RAMP1: variants seen among roughly 807,000 people sequenced by gnomAD.
The protein encoded by RAMP1 is receptor activity-modifying protein 1.
In RAMP1, 7 loss-of-function variants were observed where a neutral mutation model predicts 8.2. The observed-to-expected ratio is 0.85, with a 90% CI of 0.49 to 1.60. The LOEUF (loss-of-function observed/expected upper bound fraction) is 1.60, where lower values mean the gene tolerates loss of function less well. Among genes scored for constraint, RAMP1 ranks in the 40% most tolerant of loss-of-function variants. The pLI is 0.00. For missense variants in RAMP1, 192 were observed against 202.4 expected, an observed-to-expected ratio of 0.95 and a Z score of 0.31; for synonymous variants, 92 against 84.7, an observed-to-expected ratio of 1.09 and a Z score of -0.47.
intron 2 of RAMP1, among the ~76,000 whole-genome samples, chr2:237,910,271 AAC>A (rs1350480084): frequency 2.6e-5 from 4 of 151,684 alleles, no homozygotes; most frequent in Non-Finnish European, 4.4e-5. Context: ...CACACAGAAT[AAC>A]ACAGTCACAC....
intron 2 of RAMP1, among the ~76,000 whole-genome samples, chr2:237,897,728 T>A (rs4663269): frequency 6.6e-6 from 1 of 150,680 alleles, no homozygotes; most frequent in African/African-American, 2.4e-5. Context: ...CAGAAACACA[T>A]GCTCTCGTGG....
At chr2:237,896,587 C>T (rs974644939) in intron 2 of RAMP1, among the ~76,000 whole-genome samples, 1 of 152,252 alleles carries the variant, frequency 6.6e-6, no homozygotes, top group Non-Finnish European at 1.5e-5. Flanking sequence ...AACACCTGCC[C>T]TCGGGTGATG....
chr2:237,883,000 C>G (rs558163562), intron 2 of RAMP1, among the ~76,000 whole-genome samples: 1 of 152,228 alleles, frequency 6.6e-6, no homozygotes, highest in East Asian at 1.9e-4. Context: ...TGATGGGGGA[C>G]ACAGGCTCTG....
chr2:237,871,320 C>T (rs2151005451), intron 1 of RAMP1, among the ~76,000 whole-genome samples: 1 of 152,300 alleles, frequency 6.6e-6, no homozygotes, highest in African/African-American at 2.4e-5. Flanking sequence ...TGCTTTCACT[C>T]TAGAGGATGT....
At chr2:237,890,335 G>A (rs1178647438) in intron 2 of RAMP1, among the ~76,000 whole-genome samples, 1 of 151,916 alleles carries the variant, frequency 6.6e-6, no homozygotes. Context: ...CTGAGTAGCT[G>A]GGACTACAGG....
intron 1 of RAMP1, among the ~76,000 whole-genome samples, chr2:237,869,509 G>C (rs889094831): frequency 3.0e-4 from 45 of 152,130 alleles, no homozygotes; most frequent in African/African-American, 1.1e-3. Context: ...GACTACTCTA[G>C]GAACCTGTAT....
chr2:237,860,655 T>C (rs1238072406), intron 1 of RAMP1, among the ~76,000 whole-genome samples: 1 of 151,846 alleles, frequency 6.6e-6, no homozygotes, highest in Non-Finnish European at 1.5e-5. Context: ...CCAGTGTCCC[T>C]GGGAAGGCCG....
At chr2:237,906,273 ACT>A (rs1241653655) in intron 2 of RAMP1, among the ~76,000 whole-genome samples, 3 of 151,494 alleles carry the variant, frequency 2.0e-5, no homozygotes, top group Admixed American at 6.6e-5. Flanking sequence ...GGCACGGCAC[ACT>A]CTCTGCTGCC....
chr2:237,885,685 C>A lies in RAMP1; in HGVS notation c.191+8323C>A, dbSNP rs1376879346. ...CGAGGCCGCCCTCCCTGCCTACTGA[C>A]CTCCCTGCCCACCGCCACACCATCG... On this transcript the variant is annotated intron_variant, in intron 2 of 2. Transcript: ENST00000254661. Among the ~76,000 whole-genome samples the A allele has an allele frequency of 3.3e-5, 5 of 152,250 alleles. No homozygotes were observed. The East Asian group carries it at 9.7e-4, about 30-fold the overall frequency.
chr2:237,911,446 C>T lies in RAMP1; in HGVS notation c.192-82C>T. 4 of 1,547,024 alleles carry T rather than the reference C, an allele frequency of 2.6e-6. No individual in the cohort carries two copies. The Admixed American group carries it at 7.0e-5, about 27-fold the overall frequency. The stretch of plus-strand genomic sequence containing the variant: ...CAAGCTTCAGGGCTGCATGAGGGGC[C>T]ACGGTGCAGCAGCCCGGGCTGGGGT... On this transcript the variant is annotated intron_variant, in intron 2 of 2. Transcript: ENST00000254661.
At chr2:237,879,264 G>A (rs553385020) in intron 2 of RAMP1, among the ~76,000 whole-genome samples, 1 of 151,940 alleles carries the variant, frequency 6.6e-6, no homozygotes, top group Non-Finnish European at 1.5e-5. Flanking sequence ...GATTGTGAAC[G>A]GGAGGCCTGG....
chr2:237,891,653 T>C (rs2062489671), intron 2 of RAMP1, among the ~76,000 whole-genome samples: 1 of 152,220 alleles, frequency 6.6e-6, no homozygotes, highest in Non-Finnish European at 1.5e-5. Flanking sequence ...TAGTATATGA[T>C]GACTTTTTGT....
chr2:237,897,172 C>A (rs1328269733), intron 2 of RAMP1, among the ~76,000 whole-genome samples: 1 of 152,204 alleles, frequency 6.6e-6, no homozygotes, highest in Non-Finnish European at 1.5e-5. Context: ...CCCGCCTGGG[C>A]CTCAGCCTCC....
chr2:237,872,222 C>T (rs989767874), intron 1 of RAMP1, among the ~76,000 whole-genome samples: 9 of 152,164 alleles, frequency 5.9e-5, no homozygotes, highest in South Asian at 2.1e-4. Flanking sequence ...AGAGGCGGCT[C>T]GGCAGCCTAT....
chr2:237,869,519 TTAG>T, intron 1 of RAMP1, among the ~76,000 whole-genome samples: 1 of 152,356 alleles, frequency 6.6e-6, no homozygotes, highest in Admixed American at 6.5e-5. Flanking sequence ...GGAACCTGTA[TTAG>T]TGGAATCATA....
At chr2:237,893,171 T>G (rs2062503253) in intron 2 of RAMP1, among the ~76,000 whole-genome samples, 1 of 152,242 alleles carries the variant, frequency 6.6e-6, no homozygotes, top group Non-Finnish European at 1.5e-5. Flanking sequence ...AGGAGCAACC[T>G]TGTTCTGTGA....
chr2:237,859,802 GC>G lies in RAMP1; in HGVS notation c.52+76del, dbSNP rs2062114722. The G allele has an allele frequency of 4.7e-6, 5 of 1,054,578 alleles. No homozygotes were observed. The South Asian group carries it at 1.0e-4, about 21-fold the overall frequency. The allele number at this position is 1,054,578 out of a possible 1,614,324, so 65.3% of individuals were successfully genotyped here. On this transcript the variant is annotated intron_variant, in intron 1 of 2. Coordinates refer to ENST00000254661, the MANE Select transcript of RAMP1 (RefSeq NM_005855.4). ...GTGTCCTCTAGGGGAGAGGAGGGGA[GC>G]GGGTGGGAGCGGGTGGGAGCGGGTG...
Position 237,863,595 on chromosome 2 carries a change from A to T in RAMP1, c.52+3868A>T, listed in dbSNP as rs79326188. 5.1e-3 allele frequency among the ~76,000 whole-genome samples: 776 copies of T among 152,252 alleles called. 9 individuals are homozygous for T. The highest frequency in any genetic ancestry group is 0.046 in the East Asian group (237 of 5,174). ...TCAGGAAAAATATTTTTTTCCTAAG[A>T]TGGTTTATTTCAGTAATTTCTGGGG... On this transcript the variant is annotated intron_variant, in intron 1 of 2. Coordinates refer to ENST00000254661, the MANE Select transcript of RAMP1 (RefSeq NM_005855.4).
At chr2:237,883,530 T>C (rs537000009) in intron 2 of RAMP1, among the ~76,000 whole-genome samples, 2 of 152,310 alleles carry the variant, frequency 1.3e-5, no homozygotes, top group South Asian at 2.1e-4. Context: ...GGAAGACTCC[T>C]CATGGCCTGG....
Sources: allele counts gnomAD v4.1 joint callset (sites outside exome capture counted in the v4.1 genomes callset), GRCh38; gene constraint gnomAD v4.1.1; transcripts MANE v1.5; gene names NCBI Gene and HGNC (gene_info 2026-07-23, HGNC 2026-07-21).